HMG20A: variants seen among roughly 807,000 people sequenced by gnomAD.
The protein encoded by HMG20A is high mobility group protein 20A.
In HMG20A, 17 loss-of-function variants were observed where a neutral mutation model predicts 43.9. That is an observed-to-expected ratio of 0.39 (90% CI 0.27 to 0.58). HMG20A has a LOEUF of 0.58. HMG20A is among the 20% of genes least tolerant of loss of function. The pLI is 0.59. For synonymous variants in HMG20A, 132 were observed against 147.5 expected (o/e 0.89, Z 0.76); for missense variants, 341 against 438.2 (o/e 0.78, Z 1.98).
chr15:77,510,118 C>G, the HMG20A span, among the ~76,000 whole-genome samples: 1 of 152,186 alleles, frequency 6.6e-6, no homozygotes, highest in African/African-American at 2.4e-5. Context: ...TATGGGGCTG[C>G]TGCTCCTGCC....
At chr15:77,506,370 A>T in the HMG20A span, among the ~76,000 whole-genome samples, 1 of 151,998 alleles carries the variant, frequency 6.6e-6, no homozygotes, top group South Asian at 2.1e-4. Context: ...CCTCTCCACC[A>T]GTTGCTGGTT....
At chr15:77,467,542 C>G (rs1475043475) in intron 4 of HMG20A, among the ~76,000 whole-genome samples, 3 of 152,110 alleles carry the variant, frequency 2.0e-5, no homozygotes, top group Non-Finnish European at 4.4e-5. Flanking sequence ...CAAAGCAACA[C>G]CACTTTTTAT....
chr15:77,507,729 G>A, the HMG20A span, among the ~76,000 whole-genome samples: 42 of 152,342 alleles, frequency 2.8e-4, no homozygotes, highest in Non-Finnish European at 5.9e-5. Context: ...AAATGTCCAG[G>A]TATTTCCTGT....
the HMG20A span, among the ~76,000 whole-genome samples, chr15:77,496,658 G>A: frequency 8.2e-4 from 125 of 152,250 alleles, no homozygotes; most frequent in African/African-American, 2.9e-3. Flanking sequence ...CTGTCCTCCC[G>A]TTTACTTTTT....
At chr15:77,442,811 G>A (rs1208185587) in intron 1 of HMG20A, among the ~76,000 whole-genome samples, 1 of 152,010 alleles carries the variant, frequency 6.6e-6, no homozygotes, top group African/African-American at 2.4e-5. Context: ...GGCAAAAAGG[G>A]AATTTTAGCT....
chr15:77,500,529 C>G, the HMG20A span, among the ~76,000 whole-genome samples: 1 of 151,716 alleles, frequency 6.6e-6, no homozygotes, highest in Middle Eastern at 3.2e-3. Context: ...TAGGCAACAT[C>G]AGACCACTCG....
At chr15:77,422,106 T>C (rs2142256968) in intron 1 of HMG20A, among the ~76,000 whole-genome samples, 1 of 152,350 alleles carries the variant, frequency 6.6e-6, no homozygotes, top group Non-Finnish European at 1.5e-5. Context: ...TGTTGTCAGA[T>C]AACACAATAC....
chr15:77,509,085 A>G, the HMG20A span, among the ~76,000 whole-genome samples: 8 of 152,094 alleles, frequency 5.3e-5, no homozygotes, highest in Non-Finnish European at 1.5e-5. Flanking sequence ...AGATGACCAC[A>G]TCTATGGACA....
At chr15:77,519,231 TG>T in the HMG20A span, among the ~76,000 whole-genome samples, 111 of 152,328 alleles carry the variant, frequency 7.3e-4, 1 homozygote, top group South Asian at 0.019. Context: ...GGGAGACGAC[TG>T]GCATGTGGGC....
At chr15:77,466,256 C>T (rs1038767819) in intron 3 of HMG20A, among the ~76,000 whole-genome samples, 21 of 152,300 alleles carry the variant, frequency 1.4e-4, no homozygotes, top group African/African-American at 4.8e-4. Flanking sequence ...TGGCACATGC[C>T]TGTAATCCCA....
chr15:77,515,270 A>G, the HMG20A span, among the ~76,000 whole-genome samples: 4,929 of 152,264 alleles, frequency 0.032, 220 homozygotes, highest in African/African-American at 0.11. Flanking sequence ...TCTTTTGTGA[A>G]GGAGGCAGCC....
chr15:77,439,038 C>T (rs946825231), intron 1 of HMG20A, among the ~76,000 whole-genome samples: 1 of 152,194 alleles, frequency 6.6e-6, no homozygotes, highest in African/African-American at 2.4e-5. Flanking sequence ...CGTGATCCAC[C>T]TGCCTCAGCC....
chr15:77,428,856 C>T (rs1474456744), intron 1 of HMG20A, among the ~76,000 whole-genome samples: 2 of 151,960 alleles, frequency 1.3e-5, no homozygotes, highest in East Asian at 3.9e-4. Flanking sequence ...GTCATAGCTA[C>T]TCAGGAGGCT....
intron 1 of HMG20A, among the ~76,000 whole-genome samples, chr15:77,430,720 T>A (rs2073475792): frequency 6.6e-6 from 1 of 152,210 alleles, no homozygotes; most frequent in South Asian, 2.1e-4. Flanking sequence ...GAAACTTTTT[T>A]AAAACTTGTT....
chr15:77,444,534 A>G (rs2073651788), intron 1 of HMG20A, among the ~76,000 whole-genome samples: 1 of 152,264 alleles, frequency 6.6e-6, no homozygotes, highest in Admixed American at 6.5e-5. Flanking sequence ...CTTGAAAAAA[A>G]GAAACAATCA....
intron 1 of HMG20A, among the ~76,000 whole-genome samples, chr15:77,436,900 G>A (rs546855751): frequency 1.1e-4 from 16 of 152,272 alleles, no homozygotes; most frequent in African/African-American, 2.9e-4. Flanking sequence ...GGGAAAACCC[G>A]GATTTCTGAC....
At chr15:77,446,867 G>A (rs1489421610) in intron 1 of HMG20A, among the ~76,000 whole-genome samples, 1 of 150,380 alleles carries the variant, frequency 6.6e-6, no homozygotes, top group African/African-American at 2.4e-5. Flanking sequence ...TTAACTTTTT[G>A]TGCTTTGTGT....
intron 6 of HMG20A, among the ~76,000 whole-genome samples, 174 bp downstream of exon 6, chr15:77,471,988 T>A (rs960616316): frequency 2.6e-5 from 4 of 152,078 alleles, no homozygotes; most frequent in African/African-American, 4.8e-5. Flanking sequence ...GACACTTACG[T>A]TGTGTGTCTG....
chr15:77,514,260 G>A, the HMG20A span, among the ~76,000 whole-genome samples: 1 of 152,138 alleles, frequency 6.6e-6, no homozygotes, highest in Non-Finnish European at 1.5e-5. Flanking sequence ...GCAACAATGT[G>A]GGTGAATTTC....
Sources: gnomAD v4.1 joint callset for allele counts (sites outside exome capture counted in the v4.1 genomes callset) on GRCh38, gnomAD v4.1.1 for gene constraint, MANE v1.5 for transcripts, NCBI Gene and HGNC (gene_info 2026-07-23, HGNC 2026-07-21) for gene names.